ADGRV1: variants seen among roughly 807,000 people sequenced by gnomAD.
The protein encoded by ADGRV1 is adhesion G protein-coupled receptor V1.
In ADGRV1, 359 loss-of-function variants were observed where a neutral mutation model predicts 596.2. The ratio of observed to expected loss-of-function variants is 0.60; its 90% confidence interval spans 0.55 to 0.66. The LOEUF is 0.66. Among genes scored for constraint, ADGRV1 ranks in the 30% least tolerant of loss-of-function variants. ADGRV1 has a pLI of 0.00. For synonymous variants in ADGRV1, 2,681 were observed against 2,679.2 expected (o/e 1.00, Z -0.02); for missense variants, 7,274 against 7,575.6 (o/e 0.96, Z 1.48).
chr5:90,657,898 A>G lies in ADGRV1; in HGVS notation c.4379-7A>G. 2 of 1,594,354 alleles carry G rather than the reference A, an allele frequency of 1.3e-6. No homozygotes were observed. The highest frequency in any genetic ancestry group is 1.7e-6 in the Non-Finnish European group (2 of 1,167,738). ...ATTGTAGCATTTAAACTTGTCTCTA[A>G]TTTCAGGTCCTGGGATACTGAGAAT... On this transcript the variant is annotated splice_region_variant and splice_polypyrimidine_tract_variant and intron_variant, in intron 20 of 89. Coordinates refer to ENST00000405460, the MANE Select transcript of ADGRV1 (RefSeq NM_032119.4).
chr5:90,926,580 A>C (rs941103968), intron 83 of ADGRV1, among the ~76,000 whole-genome samples: 22 of 151,606 alleles, frequency 1.5e-4, no homozygotes, highest in African/African-American at 5.1e-4. Flanking sequence ...CTTTCAAAAA[A>C]CCAGCTCCTG....
chr5:91,150,726 T>A (rs899870917), intron 88 of ADGRV1, among the ~76,000 whole-genome samples: 1 of 152,194 alleles, frequency 6.6e-6, no homozygotes, highest in South Asian at 2.1e-4. Flanking sequence ...CCAGAAAATA[T>A]TTTAGAAAAC....
At chr5:90,917,812 T>C (rs751123225) in intron 83 of ADGRV1, among the ~76,000 whole-genome samples, 8 of 152,172 alleles carry the variant, frequency 5.3e-5, no homozygotes, top group Non-Finnish European at 1.2e-4. Flanking sequence ...ATTGTTCTCT[T>C]TCTCCTCTTC....
At chr5:90,589,061 A>G (rs34719862) in intron 1 of ADGRV1, among the ~76,000 whole-genome samples, 10,754 of 152,184 alleles carry the variant, frequency 0.071, 444 homozygotes, top group Non-Finnish European at 0.093. Context: ...GATATCTTCT[A>G]TTTTTTTAAA....
chr5:90,797,004 C>A (rs192292867), intron 70 of ADGRV1, among the ~76,000 whole-genome samples: 1 of 152,100 alleles, frequency 6.6e-6, no homozygotes, highest in Non-Finnish European at 1.5e-5. Flanking sequence ...CCGGTACCAG[C>A]CACTGCAAAA....
chr5:90,992,577 T>A (rs534244626), intron 85 of ADGRV1, among the ~76,000 whole-genome samples: 13 of 152,228 alleles, frequency 8.5e-5, no homozygotes, highest in Non-Finnish European at 1.8e-4. Flanking sequence ...CAAACATTCT[T>A]TCACTTTATG....
intron 83 of ADGRV1, among the ~76,000 whole-genome samples, chr5:90,913,166 A>T (rs1773048975): frequency 1.3e-5 from 2 of 152,162 alleles, no homozygotes; most frequent in African/African-American, 4.8e-5. Context: ...GACTGTGGAA[A>T]TATAGCCAGG....
intron 1 of ADGRV1, among the ~76,000 whole-genome samples, chr5:90,598,641 G>A (rs376367785): frequency 2.0e-5 from 3 of 152,158 alleles, no homozygotes; most frequent in Non-Finnish European, 4.4e-5. Context: ...CTGAAGTACT[G>A]TAGTCTGGGA....
At chr5:90,827,551 T>C (rs1764170592) in intron 76 of ADGRV1, among the ~76,000 whole-genome samples, 1 of 152,210 alleles carries the variant, frequency 6.6e-6, no homozygotes, top group African/African-American at 2.4e-5. Flanking sequence ...TGGAATGTAA[T>C]ATACCGAAAT....
chr5:90,722,223 G>T (rs1428542576), intron 45 of ADGRV1, among the ~76,000 whole-genome samples: 1 of 151,966 alleles, frequency 6.6e-6, no homozygotes, highest in Non-Finnish European at 1.5e-5. Context: ...TGAAGGTGAG[G>T]GACAGGGAAG....
At chr5:91,133,931 T>TA (rs759632769) in intron 87 of ADGRV1, among the ~76,000 whole-genome samples, 12 of 151,364 alleles carry the variant, frequency 7.9e-5, no homozygotes, top group South Asian at 2.1e-4. Flanking sequence ...GCTATGCTTT[T>TA]AAAAAAAAAG....
intron 38 of ADGRV1, among the ~76,000 whole-genome samples, chr5:90,707,033 G>C (rs1379528434): frequency 6.6e-6 from 1 of 151,958 alleles, no homozygotes; most frequent in Non-Finnish European, 1.5e-5. Context: ...GGAGTATTTT[G>C]ATTACTTCAA....
At chr5:90,627,817 ATAT>A (rs764831452) in intron 7 of ADGRV1, 41 bp downstream of exon 7, 11 of 1,236,962 alleles carry the variant, frequency 8.9e-6, no homozygotes, top group Admixed American at 3.0e-5. Context: ...TTATTTTATT[ATAT>A]TATTCCAGAT....
intron 26 of ADGRV1, 72 bp downstream of exon 26, chr5:90,679,701 A>G: frequency 1.0e-6 from 1 of 988,146 alleles, no homozygotes; most frequent in South Asian, 1.5e-5. Flanking sequence ...AGACAATACT[A>G]ACCACTTATT....
chr5:91,025,900 G>A (rs578215625), intron 85 of ADGRV1, among the ~76,000 whole-genome samples: 31 of 152,232 alleles, frequency 2.0e-4, no homozygotes, highest in South Asian at 1.9e-3. Flanking sequence ...TTCTCAACAA[G>A]GCAAGAGTGA....
chr5:91,054,935 G>T (rs1339572344), intron 85 of ADGRV1, among the ~76,000 whole-genome samples: 3 of 152,130 alleles, frequency 2.0e-5, no homozygotes, highest in Non-Finnish European at 2.9e-5. Context: ...CCCTGAGTAG[G>T]TAAGTAATCT....
intron 76 of ADGRV1, among the ~76,000 whole-genome samples, chr5:90,828,117 G>C (rs920128298): frequency 1.3e-5 from 2 of 152,040 alleles, no homozygotes; most frequent in African/African-American, 2.4e-5. Context: ...TTGAATTCAG[G>C]CTTTAGAAAA....
chr5:90,741,542 T>C (rs1377174873), intron 50 of ADGRV1, among the ~76,000 whole-genome samples: 1 of 152,220 alleles, frequency 6.6e-6, no homozygotes, highest in Non-Finnish European at 1.5e-5. Context: ...CTTATTATTA[T>C]TCAAAATAGT....
intron 21 of ADGRV1, among the ~76,000 whole-genome samples, chr5:90,668,509 C>T (rs1771913744): frequency 6.6e-6 from 1 of 152,160 alleles, no homozygotes; most frequent in South Asian, 2.1e-4. Context: ...CGCCCACTGT[C>T]TGGCACTCCC....
Sources: allele counts gnomAD v4.1 joint callset (sites outside exome capture counted in the v4.1 genomes callset), GRCh38; gene constraint gnomAD v4.1.1; transcripts MANE v1.5; gene names NCBI Gene and HGNC (gene_info 2026-07-23, HGNC 2026-07-21).